Variants in KAZN observed in about 807,000 individuals in gnomAD.
The protein encoded by KAZN is kazrin.
KAZN carries 40 observed loss-of-function variants against 87.4 expected under a neutral mutation model. The ratio of observed to expected loss-of-function variants is 0.46; its 90% CI spans 0.36 to 0.60. KAZN has a LOEUF of 0.60. Ranked by LOEUF, KAZN falls within the 20% of genes least tolerant of loss-of-function variation. The pLI is 0.00. For missense variants in KAZN, 898 were observed against 1,073.9 expected (o/e 0.84, Z 2.29); for synonymous variants, 466 against 458.3 (o/e 1.02, Z -0.22).
At chr1:14,343,680 C>T (rs1285042964) in intron 2 of KAZN, among the ~76,000 whole-genome samples, 1 of 152,136 alleles carries the variant, frequency 6.6e-6, no homozygotes, top group Non-Finnish European at 1.5e-5. Context: ...GAAATCAATA[C>T]GAAACTGAAT....
At chr1:14,514,883 C>T (rs1671223294) in intron 2 of KAZN, among the ~76,000 whole-genome samples, 1 of 151,988 alleles carries the variant, frequency 6.6e-6, no homozygotes, top group Non-Finnish European at 1.5e-5. Context: ...TGGATGAAGT[C>T]AGATGACATA....
intron 8 of KAZN, among the ~76,000 whole-genome samples, chr1:15,087,875 A>G (rs1203280591): frequency 6.6e-6 from 1 of 152,152 alleles, no homozygotes; most frequent in African/African-American, 2.4e-5. Flanking sequence ...TGCACACATC[A>G]TTTCATTTCA....
In KAZN at chr1:14,342,925, GAGGTC is replaced by G. The variant is rs533094237; in HGVS notation, c.249+162337_249+162341del. 5.9e-5 allele frequency among the ~76,000 whole-genome samples: 9 copies of G among 152,294 alleles called. No homozygotes were observed. The East Asian group carries it at 1.5e-3, about 26-fold the overall frequency. On this transcript the variant is annotated intron_variant, in intron 2 of 16. Transcript: ENST00000636203. ...GGCGGCTAAGTTGGGAGAATCACCT[GAGGTC>G]AGGAGTTTGAGACCAGCTTGGCCAA...
chr1:14,523,854 C>T (rs1041584183), intron 2 of KAZN, among the ~76,000 whole-genome samples: 19 of 152,082 alleles, frequency 1.2e-4, no homozygotes, highest in African/African-American at 3.9e-4. Context: ...GGAAGGGGCT[C>T]AAGGGGGCTT....
intron 2 of KAZN, among the ~76,000 whole-genome samples, chr1:15,000,953 A>T (rs1668404575): frequency 6.6e-6 from 1 of 151,634 alleles, no homozygotes; most frequent in Admixed American, 6.6e-5. Flanking sequence ...AAATTTAAAC[A>T]TTATCCAGGT....
intron 2 of KAZN, among the ~76,000 whole-genome samples, chr1:15,020,911 G>A (rs1339697086): frequency 6.6e-6 from 1 of 152,262 alleles, no homozygotes; most frequent in Admixed American, 6.5e-5. Context: ...CTGGCTCCGG[G>A]TTCTCACTCG....
At chr1:14,797,142 C>G (rs1346696688) in intron 1 of KAZN, among the ~76,000 whole-genome samples, 1 of 151,820 alleles carries the variant, frequency 6.6e-6, no homozygotes, top group East Asian at 1.9e-4. Flanking sequence ...CTCACTGCAG[C>G]CTCCGCCTCC....
intron 2 of KAZN, among the ~76,000 whole-genome samples, chr1:14,514,356 T>TA: frequency 3.7e-5 from 1 of 27,160 alleles, no homozygotes; most frequent in African/African-American, 1.7e-4. Flanking sequence ...ATATATATTA[T>TA]ATATATATTT....
At chr1:14,231,822 T>G (rs778219004) in intron 2 of KAZN, among the ~76,000 whole-genome samples, 8 of 152,178 alleles carry the variant, frequency 5.3e-5, no homozygotes, top group Non-Finnish European at 1.0e-4. Context: ...TATTTCTCAT[T>G]CATAGAAATT....
At chr1:14,233,860 C>T (rs902810227) in intron 2 of KAZN, among the ~76,000 whole-genome samples, 5 of 152,210 alleles carry the variant, frequency 3.3e-5, no homozygotes, top group East Asian at 1.9e-4. Flanking sequence ...TACCATCTCA[C>T]GCCAGTTAGA....
At chr1:13,896,915 A>C (rs1029264465) in intron 1 of KAZN, among the ~76,000 whole-genome samples, 1 of 152,216 alleles carries the variant, frequency 6.6e-6, no homozygotes, top group African/African-American at 2.4e-5. Flanking sequence ...TCTTGGAGGC[A>C]GGGCAAAATT....
At chr1:14,104,555 C>G (rs573737414) in intron 1 of KAZN, among the ~76,000 whole-genome samples, 1 of 152,196 alleles carries the variant, frequency 6.6e-6, no homozygotes, top group Non-Finnish European at 1.5e-5. Context: ...ACCTCAGGAT[C>G]GCAAATAACA....
chr1:14,812,761 G>A (rs1470345619), intron 1 of KAZN, among the ~76,000 whole-genome samples: 1 of 151,950 alleles, frequency 6.6e-6, no homozygotes, highest in African/African-American at 2.4e-5. Context: ...GGATCCTCCT[G>A]CCTCAGCTTC....
chr1:14,566,409 A>G (rs944607974), intron 2 of KAZN, among the ~76,000 whole-genome samples: 1 of 152,242 alleles, frequency 6.6e-6, no homozygotes, highest in South Asian at 2.1e-4. Flanking sequence ...TAGAGCACAG[A>G]TGAGTACATT....
chr1:14,845,559 GTGGATGGATGGATGGA>G (rs112956559), intron 1 of KAZN, among the ~76,000 whole-genome samples: 10 of 145,434 alleles, frequency 6.9e-5, no homozygotes, highest in South Asian at 2.2e-4. Context: ...AGATGGGTGG[GTGGATGGATGGATGGA>G]TGGATGGATG....
At position 14,660,961 on chromosome 1, in the gene KAZN, AC is replaced by A. The variant is rs576190261; in HGVS notation, c.226+61739del. ...ACAGCCGCATCCTCCACAGCACTGT[AC>A]TTTCACCGGAGACATCTGAAGTCGC... is the stretch of plus-strand genomic sequence containing the variant. On this transcript the variant is annotated intron_variant, in intron 1 of 14. Transcript: ENST00000376030. 2.6e-3 allele frequency among the ~76,000 whole-genome samples: 399 copies of A among 152,304 alleles called. 2 individuals carry two copies. Among genetic ancestry groups the A allele is most frequent in the African/African-American group, 9.2e-3 (382 of 41,576 alleles).
intron 2 of KAZN, among the ~76,000 whole-genome samples, chr1:14,317,092 T>G (rs558948829): frequency 3.9e-5 from 6 of 152,088 alleles, no homozygotes; most frequent in African/African-American, 1.2e-4. Flanking sequence ...TTACTGATTT[T>G]CTGTCCACTT....
intron 2 of KAZN, among the ~76,000 whole-genome samples, chr1:14,255,269 G>A (rs777606379): frequency 5.9e-5 from 9 of 152,080 alleles, no homozygotes; most frequent in Non-Finnish European, 1.2e-4. Context: ...ACTATTGGGA[G>A]GATAGCACCA....
chr1:14,568,310 G>A (rs1172407442), intron 2 of KAZN, among the ~76,000 whole-genome samples: 1 of 152,172 alleles, frequency 6.6e-6, no homozygotes, highest in African/African-American at 2.4e-5. Flanking sequence ...ACGTCAGCTT[G>A]AAGAGGACCC....
Sources: allele counts gnomAD v4.1 joint callset (sites outside exome capture counted in the v4.1 genomes callset), GRCh38; gene constraint gnomAD v4.1.1; transcripts MANE v1.5; gene names NCBI Gene and HGNC (gene_info 2026-07-23, HGNC 2026-07-21).